Variants in GRIA3 observed in about 807,000 individuals in gnomAD.
GRIA3 encodes glutamate receptor 3.
A neutral mutation model predicts 63.0 loss-of-function variants in GRIA3; 3 were observed. That is an observed-to-expected ratio of 0.05 (90% CI 0.02 to 0.12). The LOEUF is 0.12. Ranked by LOEUF, GRIA3 falls within the 10% of genes least tolerant of loss-of-function variation. The pLI is 1.00. For missense variants in GRIA3, 347 were observed against 700.9 expected (o/e 0.50, Z 5.70); for synonymous variants, 274 against 257.9 (o/e 1.06, Z -0.60).
rs116004660 is a variant in GRIA3, at chrX:123,192,467, G to A, written c.268+6477G>A. 8.9e-3 allele frequency among the ~76,000 whole-genome samples: 993 copies of A among 111,454 alleles called. 8 individuals are homozygous for A. The highest frequency in any genetic ancestry group is 0.029 in the African/African-American group (893 of 30,624). On this transcript the variant is annotated intron_variant, in intron 2 of 15. Transcript: ENST00000620443. ...AGTATCTCTGGAGGTATTTGGAAGT[G>A]TAGTTAAGCAGTATCTCCTCCTCCC...
At chrX:123,414,093 C>T (rs2045522502) in intron 10 of GRIA3, among the ~76,000 whole-genome samples, 1 of 111,690 alleles carries the variant, frequency 9.0e-6, no homozygotes, top group African/African-American at 3.3e-5. Flanking sequence ...GAAATTAAGT[C>T]TCAGGGGTAT....
chrX:123,208,558 G>T (rs927954315), intron 2 of GRIA3, among the ~76,000 whole-genome samples: 3 of 112,117 alleles, frequency 2.7e-5, no homozygotes, highest in Non-Finnish European at 5.6e-5. Context: ...TCAAACCATT[G>T]AAGTCAGAAA....
At chrX:123,330,673 G>A (rs1278973131) in intron 4 of GRIA3, among the ~76,000 whole-genome samples, 1 of 111,449 alleles carries the variant, frequency 9.0e-6, no homozygotes, top group Non-Finnish European at 1.9e-5. Context: ...TCATTAAAAG[G>A]GCACTGACCA....
intron 3 of GRIA3, among the ~76,000 whole-genome samples, chrX:123,306,187 G>A (rs890302590): frequency 9.0e-6 from 1 of 111,678 alleles, no homozygotes; most frequent in African/African-American, 3.3e-5. Flanking sequence ...CTGGCTTATT[G>A]GCCAGTTTGA....
intron 2 of GRIA3, among the ~76,000 whole-genome samples, chrX:123,193,585 C>G (rs905011875): frequency 1.8e-5 from 2 of 111,827 alleles, no homozygotes; most frequent in East Asian, 5.6e-4. Context: ...AGACCTGAGC[C>G]GAGAACTGCT....
intron 5 of GRIA3, among the ~76,000 whole-genome samples, chrX:123,368,780 CA>C (rs58125026): frequency 0.015 from 1,280 of 85,969 alleles, 16 homozygotes; most frequent in African/African-American, 0.043. Context: ...GATCATAATA[CA>C]AAAAAAAAAA....
Position 123,428,013 on chromosome X carries a change from C to G in GRIA3, c.1950C>G (p.Ala650=). 9 of 1,195,659 alleles carry G rather than the reference C, an allele frequency of 7.5e-6. No homozygotes were observed. Among genetic ancestry groups the G allele is most frequent in the Non-Finnish European group, 1.0e-5 (9 of 881,149 alleles). Residue 650 remains alanine, a synonymous_variant, in exon 12 of 16, where the codon GCC becomes GCG. Coordinates refer to ENST00000620443, the MANE Select transcript of GRIA3 (RefSeq NM_007325.5). The part of the protein sequence containing the change: ...FTLIIISSYT[A]NLAAFLTVER... ...TGATCATAATTTCTTCCTATACTGC[C>G]AATCTCGCTGCTTTCCTGACTGTGG... is the stretch of plus-strand genomic sequence containing the variant.
At chrX:123,317,957 A>G (rs961427644) in intron 3 of GRIA3, among the ~76,000 whole-genome samples, 3 of 112,589 alleles carry the variant, frequency 2.7e-5, no homozygotes, top group Non-Finnish European at 3.8e-5. Flanking sequence ...AGGCATTTCC[A>G]TACATCTTCT....
intron 2 of GRIA3, among the ~76,000 whole-genome samples, chrX:123,229,638 T>C (rs938115273): frequency 2.6e-4 from 29 of 111,762 alleles, no homozygotes; most frequent in African/African-American, 8.8e-4. Context: ...GATTATATTT[T>C]CTCTTTCTTT....
intron 5 of GRIA3, among the ~76,000 whole-genome samples, chrX:123,365,225 C>T (rs1372886599): frequency 2.7e-5 from 3 of 110,503 alleles, no homozygotes; most frequent in Non-Finnish European, 5.7e-5. Context: ...TAAATGTACA[C>T]AATTATGATT....
chrX:123,190,416 A>C (rs1169384475), intron 2 of GRIA3, among the ~76,000 whole-genome samples: 1 of 110,756 alleles, frequency 9.0e-6, no homozygotes, highest in African/African-American at 3.3e-5. Context: ...TCACGTTTTC[A>C]CAAGGTTTAT....
At chrX:123,186,136 A>G (rs1018553813) in intron 2 of GRIA3, 146 bp downstream of exon 2, 2 of 534,907 alleles carry the variant, frequency 3.7e-6, no homozygotes, top group African/African-American at 2.3e-5. Flanking sequence ...TTCATGTTGC[A>G]TAAATCAACT....
chrX:123,386,784 T>G (rs1299722267), intron 5 of GRIA3, among the ~76,000 whole-genome samples: 1 of 111,691 alleles, frequency 9.0e-6, no homozygotes, highest in Admixed American at 9.5e-5. Context: ...GTGGATTTAT[T>G]TCTGGGTTCA....
At chrX:123,379,736 T>G (rs1482893063) in intron 5 of GRIA3, among the ~76,000 whole-genome samples, 1 of 103,527 alleles carries the variant, frequency 9.7e-6, no homozygotes, top group African/African-American at 3.5e-5. Flanking sequence ...GTTGGTGTGC[T>G]GCACCCATTA....
chrX:123,230,658 T>C (rs1230913868), intron 2 of GRIA3, among the ~76,000 whole-genome samples: 2 of 111,774 alleles, frequency 1.8e-5, no homozygotes, highest in Non-Finnish European at 3.8e-5. Context: ...ACTCAACCTA[T>C]GTGTAGGGCT....
intron 10 of GRIA3, among the ~76,000 whole-genome samples, chrX:123,408,551 T>C (rs2045488053): frequency 8.9e-6 from 1 of 112,355 alleles, no homozygotes; most frequent in Non-Finnish European, 1.9e-5. Flanking sequence ...CATTCCAATT[T>C]GTCTACTTGT....
At chrX:123,272,625 C>A (rs1211045552) in intron 3 of GRIA3, among the ~76,000 whole-genome samples, 1 of 111,802 alleles carries the variant, frequency 8.9e-6, no homozygotes, top group Non-Finnish European at 1.9e-5. Context: ...GCTCCAAGTG[C>A]ACATTTAGAC....
chrX:123,287,461 C>G (rs946337559), intron 3 of GRIA3, among the ~76,000 whole-genome samples: 1 of 110,307 alleles, frequency 9.1e-6, no homozygotes, highest in Admixed American at 9.6e-5. Flanking sequence ...TATAGGAAGA[C>G]AGGAAGTCAA....
intron 3 of GRIA3, among the ~76,000 whole-genome samples, chrX:123,310,203 G>C (rs915194837): frequency 2.7e-5 from 3 of 112,876 alleles, no homozygotes; most frequent in Non-Finnish European, 3.7e-5. Context: ...TCCATCTCAA[G>C]AGTTGTCATC....
Sources: gnomAD v4.1 joint callset for allele counts (sites outside exome capture counted in the v4.1 genomes callset) on GRCh38, gnomAD v4.1.1 for gene constraint, MANE v1.5 for transcripts, NCBI Gene and HGNC (gene_info 2026-07-23, HGNC 2026-07-21) for gene names.